Variants in FAM178B observed in about 807,000 individuals in gnomAD.
The protein encoded by FAM178B is protein FAM178B.
A neutral mutation model predicts 91.7 loss-of-function variants in FAM178B; 82 were observed. The ratio of observed to expected loss-of-function variants is 0.89; its 90% CI spans 0.75 to 1.07. The LOEUF is 1.07. Ranked by LOEUF, FAM178B falls within the 50% of genes least tolerant of loss-of-function variation. The probability of loss-of-function intolerance (pLI) is 0.00; values close to 1 mark genes in which losing one functional copy is unlikely to be tolerated. For missense variants in FAM178B, 769 were observed against 846.7 expected, an observed-to-expected ratio of 0.91 and a Z score of 1.14; for synonymous variants, 368 against 359.4, an observed-to-expected ratio of 1.02 and a Z score of -0.27.
chr2:96,921,774 T>G, intron 10 of FAM178B, 120 bp from the exon 11 acceptor site: 1 of 1,028,424 alleles, frequency 9.7e-7, no homozygotes, highest in South Asian at 1.6e-5. Flanking sequence ...CCCGCGGCCA[T>G]GTTGGGTAGG....
At chr2:96,968,549 G>A (rs1456619990) in intron 4 of FAM178B, among the ~76,000 whole-genome samples, 1 of 152,088 alleles carries the variant, frequency 6.6e-6, no homozygotes, top group Non-Finnish European at 1.5e-5. Context: ...CCTGTCGTGA[G>A]CTCAGATCCT....
intron 13 of FAM178B, chr2:96,897,930 C>G (rs548142232): frequency 1.0e-6 from 1 of 984,786 alleles, no homozygotes; most frequent in African/African-American, 1.7e-5. Flanking sequence ...GACCTCAATG[C>G]TGTAAGTCCT....
chr2:96,896,893 A>T (rs1031591435), intron 13 of FAM178B, among the ~76,000 whole-genome samples: 14 of 152,012 alleles, frequency 9.2e-5, no homozygotes, highest in African/African-American at 3.1e-4. Flanking sequence ...TCTAAACAGA[A>T]TCTTGCTCCG....
At chr2:96,931,453 G>A (rs2081537357) in intron 8 of FAM178B, among the ~76,000 whole-genome samples, 1 of 152,224 alleles carries the variant, frequency 6.6e-6, no homozygotes, top group Non-Finnish European at 1.5e-5. Context: ...TGGAGGTGGT[G>A]AGCGGACAAG....
At chr2:96,915,505 C>T (rs1474777965) in intron 12 of FAM178B, among the ~76,000 whole-genome samples, 1 of 151,972 alleles carries the variant, frequency 6.6e-6, no homozygotes, top group African/African-American at 2.4e-5. Context: ...AGCTTGGAGG[C>T]CGACAGGGTC....
intron 4 of FAM178B, among the ~76,000 whole-genome samples, chr2:96,968,612 C>T (rs537248620): frequency 2.4e-4 from 37 of 152,228 alleles, no homozygotes; most frequent in African/African-American, 8.7e-4. Context: ...TGGGCCCCTC[C>T]AATGACCCAT....
At chr2:96,906,208 T>C (rs944121162) in intron 12 of FAM178B, among the ~76,000 whole-genome samples, 3 of 148,534 alleles carry the variant, frequency 2.0e-5, no homozygotes, top group Admixed American at 6.7e-5. Context: ...TTCTTTCTTT[T>C]TTTTTTTTTT....
chr2:96,878,298 T>C, intron 15 of FAM178B, 118 bp downstream of exon 15: 1 of 1,008,270 alleles, frequency 9.9e-7, no homozygotes, highest in Non-Finnish European at 1.5e-6. Context: ...CCTCTCAGCC[T>C]CCCACTCTCT....
intron 12 of FAM178B, among the ~76,000 whole-genome samples, chr2:96,905,989 A>G (rs1210259642): frequency 6.9e-6 from 1 of 145,284 alleles, no homozygotes; most frequent in African/African-American, 2.5e-5. Flanking sequence ...CTCCTGCCTC[A>G]GCCTCCGGAG....
chr2:96,923,598 C>T lies in FAM178B; in HGVS notation c.1194-15G>A. 1.9e-6 allele frequency: 3 copies of T among 1,549,096 alleles called. No homozygotes were observed. The highest frequency in any genetic ancestry group is 2.0e-5 in the Admixed American group (1 of 51,006). ...CTGGAAGCACCCTGTGGTAAGACAA[C>T]AACAGTGACGATGGGAAACCCAGGA... On this transcript the variant is annotated splice_polypyrimidine_tract_variant and intron_variant, in intron 9 of 16. Transcript: ENST00000490605.
At chr2:96,890,113 A>C (rs924434422) in intron 14 of FAM178B, among the ~76,000 whole-genome samples, 1 of 152,182 alleles carries the variant, frequency 6.6e-6, no homozygotes, top group African/African-American at 2.4e-5. Flanking sequence ...CGTCTCTACT[A>C]AAAATACAAA....
At position 96,888,914 on chromosome 2, in the gene FAM178B, G is replaced by A. The variant is rs953122119; in HGVS notation, c.1776+5012C>T. 2.6e-5 allele frequency among the ~76,000 whole-genome samples: 4 copies of A among 152,162 alleles called. No homozygotes were observed. In the East Asian group the frequency reaches 5.8e-4, roughly 22 times the overall value. ...CCCTCCCCGCCAACAACTCCATTCT[G>A]TACAAATGCACTTCTCCAATAAACA... On this transcript the variant is annotated intron_variant, in intron 14 of 16. Transcript: ENST00000490605.
intron 12 of FAM178B, among the ~76,000 whole-genome samples, chr2:96,918,725 C>A (rs1476860809): frequency 6.6e-6 from 1 of 152,048 alleles, no homozygotes; most frequent in East Asian, 1.9e-4. Flanking sequence ...CAATTTCTGC[C>A]TCAAAGAAAA....
rs1401705943 is a variant in FAM178B at position 96,970,746 on chromosome 2, T to C, written c.596A>G (p.Asn199Ser). Residue 199 changes from asparagine (N) to serine (S), a missense_variant, in exon 4 of 17, where the codon AAC (asparagine) becomes AGC (serine). Transcript: ENST00000490605. ...FSWGGSGSYF[N>S]NLDYLLQEKR... ...CTCCTGCAGTAAGTAGTCCAGGTTG[T>C]TGAAGTAGCTTCCTGAGCCCCCCCA... 1 of 1,551,414 alleles carries C rather than the reference T, an allele frequency of 6.4e-7. No individual in the cohort carries two copies. The highest frequency in any genetic ancestry group is 2.0e-5 in the Admixed American group (1 of 50,990).
chr2:96,952,851 C>T (rs554901425), intron 6 of FAM178B, among the ~76,000 whole-genome samples: 2 of 152,218 alleles, frequency 1.3e-5, no homozygotes, highest in African/African-American at 4.8e-5. Flanking sequence ...TTTAATGGCC[C>T]AAATGCATGC....
intron 13 of FAM178B, among the ~76,000 whole-genome samples, chr2:96,897,131 C>T (rs1242984828): frequency 6.6e-6 from 1 of 152,126 alleles, no homozygotes; most frequent in Non-Finnish European, 1.5e-5. Flanking sequence ...CCTCCCAAAG[C>T]GCTGGGATTA....
intron 8 of FAM178B, among the ~76,000 whole-genome samples, chr2:96,938,689 A>G (rs1207245377): frequency 6.6e-6 from 1 of 152,230 alleles, no homozygotes; most frequent in Non-Finnish European, 1.5e-5. Flanking sequence ...AGATAACTAA[A>G]ACTAAAAGCA....
intron 12 of FAM178B, among the ~76,000 whole-genome samples, chr2:96,904,403 G>A (rs1027274578): frequency 5.3e-5 from 8 of 152,184 alleles, no homozygotes; most frequent in East Asian, 1.9e-4. Context: ...ACAGAGTCTC[G>A]TTCTGTCACC....
At chr2:96,904,791 C>T (rs1339268180) in intron 12 of FAM178B, among the ~76,000 whole-genome samples, 1 of 152,056 alleles carries the variant, frequency 6.6e-6, no homozygotes, top group African/African-American at 2.4e-5. Flanking sequence ...GGTGGGAGGA[C>T]TGCCTGAGCC....
Sources: allele counts gnomAD v4.1 joint callset (sites outside exome capture counted in the v4.1 genomes callset), GRCh38; gene constraint gnomAD v4.1.1; transcripts MANE v1.5; gene names NCBI Gene and HGNC (gene_info 2026-07-23, HGNC 2026-07-21).